Variants in EMID1 observed in about 807,000 individuals in gnomAD.
EMID1 encodes EMI domain containing 1, also known as EMI domain-containing protein 1.
In EMID1, 40 loss-of-function variants were observed where a neutral mutation model predicts 60.6. The observed-to-expected ratio is 0.66, with a 90% CI of 0.51 to 0.86. EMID1 has a LOEUF of 0.86. Ranked by LOEUF, EMID1 falls within the 40% of genes least tolerant of loss-of-function variation. EMID1 has a pLI of 0.00. For synonymous variants in EMID1, 242 were observed against 231.0 expected, an observed-to-expected ratio of 1.05 and a Z score of -0.43; for missense variants, 585 against 597.1, an observed-to-expected ratio of 0.98 and a Z score of 0.21.
chr22:29,235,856 C>T (rs1208344642), intron 12 of EMID1, among the ~76,000 whole-genome samples: 1 of 123,448 alleles, frequency 8.1e-6, no homozygotes, highest in Non-Finnish European at 1.6e-5. Flanking sequence ...GTGGTGCAAT[C>T]ATAGCTCACT....
At chr22:29,233,302 C>T in intron 8 of EMID1, 77 bp from the exon 9 acceptor site, 1 of 1,527,510 alleles carries the variant, frequency 6.5e-7, no homozygotes, top group African/African-American at 1.4e-5. Context: ...TCCAAGCTGT[C>T]TTGGCAGAGG....
At chr22:29,232,205 T>G (rs569496334) in intron 7 of EMID1, 51 bp from the exon 8 acceptor site, 1 of 1,609,920 alleles carries the variant, frequency 6.2e-7, no homozygotes, top group East Asian at 2.2e-5. Flanking sequence ...AAGGCCACCC[T>G]GGGCCTCCTT....
At chr22:29,223,754 C>T (rs184156788) in intron 3 of EMID1, among the ~76,000 whole-genome samples, 45 of 152,350 alleles carry the variant, frequency 3.0e-4, no homozygotes, top group African/African-American at 8.7e-4. Flanking sequence ...TAGCACAGAG[C>T]TGCCCTGTGC....
intron 12 of EMID1, among the ~76,000 whole-genome samples, chr22:29,239,322 G>A (rs5763082): frequency 0.37 from 45,264 of 122,590 alleles, 10,827 homozygotes; most frequent in East Asian, 0.67. Context: ...GTAGAGGCAG[G>A]GTTTTACCAT....
intron 1 of EMID1, among the ~76,000 whole-genome samples, chr22:29,210,309 A>C (rs1165762938): frequency 6.7e-6 from 1 of 150,112 alleles, no homozygotes; most frequent in East Asian, 2.0e-4. Context: ...GCTGGAGTGC[A>C]ATGGCGCGAT....
intron 13 of EMID1, among the ~76,000 whole-genome samples, chr22:29,253,348 C>T (rs1468052528): frequency 2.0e-5 from 3 of 152,110 alleles, no homozygotes; most frequent in African/African-American, 7.2e-5. Context: ...TTTGGGAGAC[C>T]GAGGCGGGCA....
At chr22:29,216,255 G>A (rs2040079169) in intron 3 of EMID1, 2 of 973,362 alleles carry the variant, frequency 2.1e-6, no homozygotes, top group East Asian at 2.3e-4. Flanking sequence ...GGGGCACAGA[G>A]GAGGCAGCCT....
At position 29,237,756 on chromosome 22, in the gene EMID1, G is replaced by A. The variant is rs544105386; in HGVS notation, c.1074+3407G>A. On this transcript the variant is annotated intron_variant, in intron 12 of 14. Transcript: ENST00000334018. Reference sequence around the variant, plus strand: ...ATGGAGCTTGCAGTGAGTGGAGATCGCGCCACTGCACTGCAGCCTGGGCAA... The same window carrying A: ...ATGGAGCTTGCAGTGAGTGGAGATCACGCCACTGCACTGCAGCCTGGGCAA... Among the ~76,000 whole-genome samples the A allele has an allele frequency of 1.8e-4, 26 of 143,030 alleles. 3 individuals carry two copies. Among genetic ancestry groups the A allele is most frequent in the Admixed American group, 1.3e-3 (19 of 14,644 alleles). 93.8% of individuals were successfully genotyped at this position (143,030 alleles called of 152,430 possible).
chr22:29,221,132 G>A (rs149148123), intron 3 of EMID1, among the ~76,000 whole-genome samples: 3 of 147,650 alleles, frequency 2.0e-5, no homozygotes, highest in Admixed American at 1.4e-4. Context: ...TGTAGGGCAC[G>A]TGAGGGCCTC....
At chr22:29,218,709 C>A (rs1022932315) in intron 3 of EMID1, among the ~76,000 whole-genome samples, 1 of 152,248 alleles carries the variant, frequency 6.6e-6, no homozygotes, top group African/African-American at 2.4e-5. Context: ...CCACAATCAC[C>A]TTTTCTGGGC....
chr22:29,258,841 G>C lies in EMID1; in HGVS notation c.1229G>C (p.Gly410Ala), dbSNP rs200904374. ...GAACCAGAGCTGGGGTCTGGGGCGG[G>C]CCCTGCCGGCACAGGCACCCCCAGC... ...LYEPELGSGAGPAGTGTPSLL... is the reference protein window; with the variant it reads ...LYEPELGSGAAPAGTGTPSLL... Residue 410 changes from glycine (G) to alanine (A), a missense_variant, in exon 15 of 15, where the codon GGC becomes GCC. Coordinates refer to ENST00000334018, the MANE Select transcript of EMID1 (RefSeq NM_133455.4). The C allele has an allele frequency of 5.0e-6, 8 of 1,612,944 alleles. No homozygotes were observed. The Admixed American group carries it at 8.3e-5, about 17-fold the overall frequency.
intron 3 of EMID1, among the ~76,000 whole-genome samples, chr22:29,224,637 C>T (rs980898623): frequency 1.3e-5 from 2 of 152,246 alleles, no homozygotes; most frequent in African/African-American, 2.4e-5. Context: ...ACAGCCACGG[C>T]GGCCATTTAT....
chr22:29,213,671 G>A (rs533349883), intron 1 of EMID1, among the ~76,000 whole-genome samples: 1 of 152,238 alleles, frequency 6.6e-6, no homozygotes, highest in African/African-American at 2.4e-5. Flanking sequence ...ACAGGGTCAC[G>A]GGCCCTGTGC....
chr22:29,234,935 C>T (rs1439403141), intron 12 of EMID1, among the ~76,000 whole-genome samples: 2 of 151,800 alleles, frequency 1.3e-5, no homozygotes, highest in African/African-American at 2.4e-5. Flanking sequence ...CCTGTAATCC[C>T]AGCACTGTGG....
At chr22:29,237,028 T>C (rs1317168302) in intron 12 of EMID1, among the ~76,000 whole-genome samples, 1 of 151,746 alleles carries the variant, frequency 6.6e-6, no homozygotes, top group Non-Finnish European at 1.5e-5. Flanking sequence ...AACTTCTAAC[T>C]TTGTGATCTA....
chr22:29,250,733 ATTTTTTTTTTTTTTTTTTTTT>A (rs748172215), intron 13 of EMID1, among the ~76,000 whole-genome samples: 1 of 22,476 alleles, frequency 4.4e-5, no homozygotes, highest in Non-Finnish European at 9.0e-5. Context: ...CACCCGGCTA[ATTTTTTTTTTTTTTTTTTTTT>A]TTTTTTTTTT....
rs2041694994 is a variant in EMID1, at chr22:29,256,065, G to A, written c.1204+1778G>A. 2.6e-5 allele frequency among the ~76,000 whole-genome samples: 4 copies of A among 152,086 alleles called. No individual in the cohort carries two copies. The South Asian group carries it at 6.2e-4, about 24-fold the overall frequency. ...TGGCCCTGAAGAAAGGAAGGGATTG[G>A]CCACCCGAGGGGCTGAGCTCTATTC... On this transcript the variant is annotated intron_variant, in intron 14 of 14. Transcript: ENST00000334018.
chr22:29,215,685 C>G, intron 3 of EMID1, 55 bp downstream of exon 3: 2 of 1,404,028 alleles, frequency 1.4e-6, no homozygotes, highest in Non-Finnish European at 2.0e-6. Context: ...AGGTGCCTCC[C>G]TGCAGGTGCA....
intron 13 of EMID1, among the ~76,000 whole-genome samples, chr22:29,252,331 G>T (rs1466714390): frequency 6.6e-6 from 1 of 152,204 alleles, no homozygotes; most frequent in Admixed American, 6.6e-5. Flanking sequence ...TAGTTGTTTA[G>T]ATGGTTTTGT....
Sources: gnomAD v4.1 joint callset for allele counts (sites outside exome capture counted in the v4.1 genomes callset) on GRCh38, gnomAD v4.1.1 for gene constraint, MANE v1.5 for transcripts, NCBI Gene and HGNC (gene_info 2026-07-23, HGNC 2026-07-21) for gene names.